CFAP97D2: variants seen among roughly 807,000 people sequenced by gnomAD.
The protein encoded by CFAP97D2 is uncharacterized protein CFAP97D2.
At chr13:114,190,272 G>A (rs1000664162) in intron 1 of CFAP97D2, among the ~76,000 whole-genome samples, 14 of 152,024 alleles carry the variant, frequency 9.2e-5, no homozygotes, top group Admixed American at 2.6e-4. Context: ...CTTAAACATC[G>A]TAACATTGTA....
At chr13:114,217,045 T>C (rs925299514) in intron 4 of CFAP97D2, among the ~76,000 whole-genome samples, 2 of 152,256 alleles carry the variant, frequency 1.3e-5, no homozygotes, top group Admixed American at 1.3e-4. Flanking sequence ...TGGCCAGTGA[T>C]GGTGAGCATT....
chr13:114,188,993 G>A (rs1356353704), intron 1 of CFAP97D2, among the ~76,000 whole-genome samples: 1 of 149,050 alleles, frequency 6.7e-6, no homozygotes, highest in East Asian at 2.0e-4. Flanking sequence ...AAAGAAGGAG[G>A]AGGCAAATTA....
In CFAP97D2 at chr13:114,207,013, C is replaced by G. The variant is rs1401383526; in HGVS notation, c.291-4899C>G. On this transcript the variant is annotated intron_variant, in intron 3 of 4. Coordinates refer to ENST00000646158, the Ensembl canonical transcript of CFAP97D2. This position sits in a 1 kb window ranked among gnomAD's most constrained non-coding sequence, Gnocchi z 4.9. ...AATGCCAACAAAAAGGGACCCCTCC[C>G]AGACCCAGTGCAATTCCTGAGGGGA... Among the ~76,000 whole-genome samples, 1 of 152,190 alleles carries G rather than the reference C, an allele frequency of 6.6e-6. No individual in the cohort carries two copies. Among genetic ancestry groups the G allele is most frequent in the Non-Finnish European group, 1.5e-5 (1 of 68,030 alleles).
chr13:114,200,235 ACT>A (rs1331527575), intron 2 of CFAP97D2, 88 bp from the exon 3 acceptor site: 42 of 390,938 alleles, frequency 1.1e-4, no homozygotes, highest in Non-Finnish European at 1.7e-4. Flanking sequence ...GCAGCGTAAA[ACT>A]CCCAGGGCAC....
At chr13:114,220,709 A>G (rs562323272) in intron 4 of CFAP97D2, among the ~76,000 whole-genome samples, 61 of 152,356 alleles carry the variant, frequency 4.0e-4, no homozygotes, top group Non-Finnish European at 7.5e-4. Flanking sequence ...GCAAAAATTA[A>G]ACAAACACAA....
chr13:114,213,941 C>T (rs1040723066), intron 4 of CFAP97D2, among the ~76,000 whole-genome samples: 1 of 149,878 alleles, frequency 6.7e-6, no homozygotes. Flanking sequence ...ACCACAGACC[C>T]CCACCCCTAT....
chr13:114,194,959 A>C (rs1021653276), intron 1 of CFAP97D2, among the ~76,000 whole-genome samples: 2 of 152,186 alleles, frequency 1.3e-5, no homozygotes, highest in Non-Finnish European at 2.9e-5. Context: ...TCCATGCCCC[A>C]AACCCACTCA....
At chr13:114,181,584 C>A (rs925524224) in intron 1 of CFAP97D2, among the ~76,000 whole-genome samples, 2 of 152,154 alleles carry the variant, frequency 1.3e-5, no homozygotes, top group African/African-American at 4.8e-5. Context: ...TCTAACACTC[C>A]ACAGTTCTCC....
Position 114,211,818 on chromosome 13 carries a change from G to C in CFAP97D2, c.291-94G>C. On this transcript the variant is annotated intron_variant, in intron 3 of 4. Transcript: ENST00000646158. This position sits in a 1 kb window ranked among gnomAD's most constrained non-coding sequence, Gnocchi z 4.2. ...AAGCAGGAGCAACCCTCCACCCCGG[G>C]ACCCCTTCCTGCTCTGGAGCCTGTT... is the stretch of plus-strand genomic sequence containing the variant. The C allele has an allele frequency of 2.5e-6, 1 of 397,854 alleles. No homozygotes were observed. Among genetic ancestry groups the C allele is most frequent in the Non-Finnish European group, 4.4e-6 (1 of 226,046 alleles). 24.6% of individuals were successfully genotyped at this position (397,854 alleles called of 1,614,324 possible).
At chr13:114,216,984 T>C (rs992334291) in intron 4 of CFAP97D2, among the ~76,000 whole-genome samples, 1 of 152,244 alleles carries the variant, frequency 6.6e-6, no homozygotes, top group Non-Finnish European at 1.5e-5. Context: ...ATGGCCATTC[T>C]AACTGGTGTG....
chr13:114,210,470 G>A (rs1271828218), intron 3 of CFAP97D2, among the ~76,000 whole-genome samples: 1 of 152,182 alleles, frequency 6.6e-6, no homozygotes, highest in African/African-American at 2.4e-5. Flanking sequence ...CCTTTCTGCA[G>A]CTTTTAACAT....
chr13:114,211,944 G>A lies in CFAP97D2; in HGVS notation c.323G>A (p.Arg108His), dbSNP rs1404930740. 10 of 398,586 alleles carry A rather than the reference G, an allele frequency of 2.5e-5. No homozygotes were observed. The highest frequency in any genetic ancestry group is 1.3e-4 in the South Asian group (1 of 7,858). 24.7% of individuals were successfully genotyped at this position (398,586 alleles called of 1,614,324 possible). A position where few individuals can be genotyped will look rare whatever the true frequency, so the allele number is the denominator to read the frequency against. The change falls in exon 4 of 5, where the codon CGC (arginine) becomes CAC (histidine). Residue 108 changes from arginine (R) to histidine (H), a missense_variant. Transcript: ENST00000646158. This position sits in a 1 kb window ranked among gnomAD's most constrained non-coding sequence, Gnocchi z 4.2. ...AGGGGGAAGAGAGAACAGGAACTTC[G>A]CAGAGTGCGGAAGAAAACACGGCCA...
chr13:114,218,665 G>C (rs2081006437), intron 4 of CFAP97D2, among the ~76,000 whole-genome samples: 1 of 152,118 alleles, frequency 6.6e-6, no homozygotes, highest in African/African-American at 2.4e-5. Flanking sequence ...CATGATACTG[G>C]TACCAAAACA....
Position 114,189,056 on chromosome 13 carries a change from GTAA to G in CFAP97D2, c.91-7334_91-7332del, listed in dbSNP as rs936479646. Among the ~76,000 whole-genome samples the G allele has an allele frequency of 1.8e-4, 26 of 148,264 alleles. No homozygotes were observed. Among genetic ancestry groups the G allele is most frequent in the African/African-American group, 6.1e-4 (25 of 40,764 alleles). On this transcript the variant is annotated intron_variant, in intron 1 of 4. Transcript: ENST00000646158. This position sits in a 1 kb window ranked among gnomAD's most constrained non-coding sequence, Gnocchi z 4.5. ...TATTACTTATATTACTAGTATATAT[GTAA>G]TAATATAACTATAATAACTATGTTA...
At chr13:114,204,367 T>C (rs1566614771) in intron 3 of CFAP97D2, among the ~76,000 whole-genome samples, 1 of 152,254 alleles carries the variant, frequency 6.6e-6, no homozygotes, top group Non-Finnish European at 1.5e-5. Flanking sequence ...GGCAGACTTG[T>C]CGCTTACCTG....
intron 3 of CFAP97D2, among the ~76,000 whole-genome samples, chr13:114,206,834 G>A (rs1423163405): frequency 2.0e-5 from 3 of 152,128 alleles, no homozygotes; most frequent in Non-Finnish European, 4.4e-5. Flanking sequence ...TGCTTTTGGG[G>A]GCTTCTAAGA....
At chr13:114,190,444 T>C (rs1594514762) in intron 1 of CFAP97D2, among the ~76,000 whole-genome samples, 1 of 152,296 alleles carries the variant, frequency 6.6e-6, no homozygotes, top group East Asian at 1.9e-4. Flanking sequence ...TAAACAATTA[T>C]AGCAAGGATG....
In CFAP97D2 at chr13:114,189,285, CAAAAT is replaced by C. The variant is rs1277881447; in HGVS notation, c.91-7110_91-7106del. Among the ~76,000 whole-genome samples the C allele has an allele frequency of 1.3e-5, 2 of 152,002 alleles. No homozygotes were observed. The highest frequency in any genetic ancestry group is 1.3e-4 in the Admixed American group (2 of 15,262). On this transcript the variant is annotated intron_variant, in intron 1 of 4. Coordinates refer to ENST00000646158, the Ensembl canonical transcript of CFAP97D2. This position sits in a 1 kb window ranked among gnomAD's most constrained non-coding sequence, Gnocchi z 4.5. ...AAGGTTCAATCTGCCAAAATTCACA[CAAAAT>C]GAAATAGGCAATCTGAATAGACCCA...
At chr13:114,182,446 GA>G (rs1356488340) in intron 1 of CFAP97D2, among the ~76,000 whole-genome samples, 6 of 151,882 alleles carry the variant, frequency 4.0e-5, no homozygotes, top group Non-Finnish European at 8.8e-5. Flanking sequence ...TCAACTGCAA[GA>G]GGCCTTCCTC....
Sources: gnomAD v4.1 joint callset for allele counts (sites outside exome capture counted in the v4.1 genomes callset) on GRCh38, gnomAD v4.1.1 for gene constraint, Gnocchi (gnomAD v3.1) non-coding constraint, MANE v1.5 for transcripts, NCBI Gene and HGNC (gene_info 2026-07-23, HGNC 2026-07-21) for gene names.